HECTD2: variants seen among roughly 807,000 people sequenced by gnomAD.
HECTD2 encodes HECT domain E3 ubiquitin protein ligase 2.
Under a neutral mutation model 103.2 loss-of-function variants are expected in HECTD2, and 35 were observed. The observed-to-expected ratio is 0.34, with a 90% CI of 0.26 to 0.45. The LOEUF is 0.45. Among genes scored for constraint, HECTD2 ranks in the 20% least tolerant of loss-of-function variants. The probability of loss-of-function intolerance (pLI) is 1.00; values close to 1 mark genes in which losing one functional copy is unlikely to be tolerated. For synonymous variants in HECTD2, 281 were observed against 329.9 expected (o/e 0.85, Z 1.61); for missense variants, 596 against 937.4 (o/e 0.64, Z 4.76).
At chr10:91,478,007 A>G (rs1845969926) in intron 5 of HECTD2, among the ~76,000 whole-genome samples, 194 bp from the exon 6 acceptor site, 1 of 152,184 alleles carries the variant, frequency 6.6e-6, no homozygotes, top group Non-Finnish European at 1.5e-5. Context: ...CATACCAGGG[A>G]TACTCTTACT....
intron 7 of HECTD2, among the ~76,000 whole-genome samples, chr10:91,481,410 T>C (rs1364905130): frequency 1.3e-5 from 2 of 151,856 alleles, no homozygotes; most frequent in South Asian, 2.1e-4. Context: ...AAAATTTTGA[T>C]TTAGTTCCTG....
intron 2 of HECTD2, among the ~76,000 whole-genome samples, chr10:91,438,488 G>A (rs1844235068): frequency 6.6e-6 from 1 of 152,168 alleles, no homozygotes; most frequent in African/African-American, 2.4e-5. Context: ...TCATTGATGG[G>A]CATTTGGGTT....
chr10:91,462,241 C>T, intron 5 of HECTD2, 57 bp downstream of exon 5: 2 of 1,472,206 alleles, frequency 1.4e-6, no homozygotes, highest in Non-Finnish European at 1.8e-6. Flanking sequence ...ATATCAAAAG[C>T]AGCCATACAA....
chr10:91,460,755 T>C (rs1438202782), intron 3 of HECTD2, among the ~76,000 whole-genome samples, 190 bp downstream of exon 3: 2 of 152,062 alleles, frequency 1.3e-5, no homozygotes, highest in Non-Finnish European at 2.9e-5. Context: ...AAGAGTTAGA[T>C]AGGCTGCAGC....
intron 14 of HECTD2, among the ~76,000 whole-genome samples, 180 bp from the exon 15 acceptor site, chr10:91,496,034 G>T (rs1224693179): frequency 6.6e-6 from 1 of 152,060 alleles, no homozygotes; most frequent in Admixed American, 6.6e-5. Flanking sequence ...TGTAATCAAG[G>T]AATTATATTA....
Position 91,501,284 on chromosome 10 carries a change from G to A in HECTD2, c.2160G>A (p.Gly720=). ...GGAGTGACAGAGTACCTGTAGGAGG[G>A]ATGGCTGATTTGAACTTTAAAATCT... The part of the protein sequence containing the change: ...TTGSDRVPVG[G]MADLNFKISK... Residue 720 remains glycine (G), a synonymous_variant, in exon 20 of 21, where the codon GGG becomes GGA. Transcript: ENST00000298068. 6.2e-7 allele frequency: 1 copy of A among 1,604,752 alleles called. No homozygotes were observed. Among genetic ancestry groups the A allele is most frequent in the Non-Finnish European group, 8.5e-7 (1 of 1,175,174 alleles).
Position 91,499,175 on chromosome 10 carries a change from C to T in HECTD2, c.1950+25C>T, listed in dbSNP as rs767246912. The T allele has an allele frequency of 5.7e-6, 8 of 1,402,880 alleles. No individual in the cohort carries two copies. In the Admixed American group the frequency reaches 1.2e-4, roughly 21 times the overall value. The allele number at this position is 1,402,880 out of a possible 1,614,324, so 86.9% of individuals were successfully genotyped here. A position where few individuals can be genotyped will look rare whatever the true frequency, so the allele number is the denominator to read the frequency against. On this transcript the variant is annotated intron_variant, in intron 18 of 20. Coordinates refer to ENST00000298068, the MANE Select transcript of HECTD2 (RefSeq NM_182765.6). ...GGTGAGTTTATAACTTTAAATCAAG[C>T]TTTCGGTTAGCTTTTGTAGTACTAT...
intron 2 of HECTD2, among the ~76,000 whole-genome samples, chr10:91,459,392 T>C (rs1845246690): frequency 6.6e-6 from 1 of 152,072 alleles, no homozygotes; most frequent in African/African-American, 2.4e-5. Context: ...CAAATGTTTC[T>C]AGCAGCTTTA....
intron 1 of HECTD2, among the ~76,000 whole-genome samples, chr10:91,420,057 T>C (rs1304610599): frequency 6.6e-6 from 1 of 152,202 alleles, no homozygotes; most frequent in Non-Finnish European, 1.5e-5. Flanking sequence ...TGCCCGTTTT[T>C]TTTCTCATGA....
At chr10:91,499,350 A>G (rs113052172) in intron 18 of HECTD2, among the ~76,000 whole-genome samples, 200 bp downstream of exon 18, 8 of 152,190 alleles carry the variant, frequency 5.3e-5, no homozygotes, top group African/African-American at 1.9e-4. Flanking sequence ...CAGTCAGTTC[A>G]TTTTCTCTCC....
At chr10:91,452,987 A>G (rs535875579) in intron 2 of HECTD2, among the ~76,000 whole-genome samples, 3 of 152,280 alleles carry the variant, frequency 2.0e-5, no homozygotes, top group South Asian at 4.1e-4. Flanking sequence ...GAAACTTGAG[A>G]TGTGAGGAAA....
At chr10:91,476,444 G>T (rs185152898) in intron 5 of HECTD2, among the ~76,000 whole-genome samples, 26 of 152,302 alleles carry the variant, frequency 1.7e-4, no homozygotes, top group Admixed American at 1.1e-3. Context: ...CCCCCACGAA[G>T]TTTCTCCCTG....
At chr10:91,504,915 T>C (rs1847083495) in intron 20 of HECTD2, among the ~76,000 whole-genome samples, 1 of 152,126 alleles carries the variant, frequency 6.6e-6, no homozygotes, top group Non-Finnish European at 1.5e-5. Flanking sequence ...CCCATCAGAC[T>C]AACAGCGGAT....
At chr10:91,436,031 A>G (rs1438846767) in intron 2 of HECTD2, among the ~76,000 whole-genome samples, 1 of 151,696 alleles carries the variant, frequency 6.6e-6, no homozygotes, top group Non-Finnish European at 1.5e-5. Flanking sequence ...TCTTTTTTAT[A>G]GTACCCTTTT....
intron 2 of HECTD2, among the ~76,000 whole-genome samples, chr10:91,437,745 T>C (rs1479416688): frequency 6.6e-6 from 1 of 151,812 alleles, no homozygotes; most frequent in Non-Finnish European, 1.5e-5. Flanking sequence ...ATATACATTG[T>C]AAGTTTCCAT....
chr10:91,411,394 A>C (rs1345473203), intron 1 of HECTD2, among the ~76,000 whole-genome samples: 2 of 152,232 alleles, frequency 1.3e-5, no homozygotes, highest in African/African-American at 2.4e-5. Flanking sequence ...TTATTTTGAC[A>C]TAATATTTAA....
chr10:91,485,441 T>C, intron 10 of HECTD2, 138 bp downstream of exon 10: 2 of 579,104 alleles, frequency 3.5e-6, no homozygotes, highest in South Asian at 5.4e-5. Context: ...CCTTGAAATA[T>C]CATATTTATT....
chr10:91,477,038 G>A (rs1034437007), intron 5 of HECTD2, among the ~76,000 whole-genome samples: 11 of 152,172 alleles, frequency 7.2e-5, no homozygotes, highest in Admixed American at 5.2e-4. Flanking sequence ...AAAATTAGCC[G>A]GGCGCGGTGG....
intron 20 of HECTD2, among the ~76,000 whole-genome samples, chr10:91,503,977 C>A (rs917317119): frequency 1.3e-5 from 2 of 152,192 alleles, no homozygotes; most frequent in African/African-American, 2.4e-5. Context: ...CACCTGACCC[C>A]CGAGCAGCCT....
Sources: gnomAD v4.1 joint callset for allele counts (sites outside exome capture counted in the v4.1 genomes callset) on GRCh38, gnomAD v4.1.1 for gene constraint, MANE v1.5 for transcripts, NCBI Gene and HGNC (gene_info 2026-07-23, HGNC 2026-07-21) for gene names.